JAKMIP1: variants seen among roughly 807,000 people sequenced by gnomAD.
The protein encoded by JAKMIP1 is janus kinase and microtubule-interacting protein 1.
In JAKMIP1, 33 loss-of-function variants were observed where a neutral mutation model predicts 113.0. The observed-to-expected ratio is 0.29, with a 90% CI of 0.22 to 0.39. The LOEUF is 0.39. Among genes scored for constraint, JAKMIP1 ranks in the 10% least tolerant of loss-of-function variants. The pLI is 1.00. For synonymous variants in JAKMIP1, 480 were observed against 459.9 expected (o/e 1.04, Z -0.56); for missense variants, 813 against 1,080.5 (o/e 0.75, Z 3.47).
Position 6,036,003 on chromosome 4 carries a change from A to G in JAKMIP1, c.2280T>C (p.Ala760=). The change falls in exon 19 of 21, where the codon GCT becomes GCC. Residue 760 remains alanine, a synonymous_variant. Transcript: ENST00000409021. ...LSEGQREDLQ[A]AVEKVRRQIL... ...TCTGCCTGCGCACCTTTTCCACAGC[A>G]GCCTGCAGGTCCTCCCGCTGGCCCT... is the stretch of plus-strand genomic sequence containing the variant. 2 of 1,551,932 alleles carry G rather than the reference A, an allele frequency of 1.3e-6. No individual in the cohort carries two copies. The highest frequency in any genetic ancestry group is 1.7e-6 in the Non-Finnish European group (2 of 1,147,170).
rs1718255137 is a variant in JAKMIP1, at chr4:6,067,409, T to C, written c.1303-2401A>G. On this transcript the variant is annotated intron_variant, in intron 8 of 20. Coordinates refer to ENST00000409021, the MANE Select transcript of JAKMIP1 (RefSeq NM_001099433.2). This position sits in a 1 kb window ranked among gnomAD's most constrained non-coding sequence, Gnocchi z 4.6. Reference sequence around the variant, plus strand: ...AGACTATGGGCACCATCAACTTCAATGTCATTTCTCTCCTTGCAGAGGCTG... The same window carrying C: ...AGACTATGGGCACCATCAACTTCAACGTCATTTCTCTCCTTGCAGAGGCTG... Among the ~76,000 whole-genome samples the C allele has an allele frequency of 6.6e-6, 1 of 152,164 alleles. No individual in the cohort carries two copies. The highest frequency in any genetic ancestry group is 6.5e-5 in the Admixed American group (1 of 15,284).
At chr4:6,048,752 T>C in intron 16 of JAKMIP1, 105 bp downstream of exon 16, 1 of 915,570 alleles carries the variant, frequency 1.1e-6, no homozygotes, top group Non-Finnish European at 1.8e-6. Flanking sequence ...GCAGACGGAC[T>C]GGAACGCATG....
chr4:6,177,760 C>G (rs980169099), intron 1 of JAKMIP1, among the ~76,000 whole-genome samples: 1 of 152,166 alleles, frequency 6.6e-6, no homozygotes, highest in African/African-American at 2.4e-5. Context: ...CACTCCACCC[C>G]CAATGCCACT....
chr4:6,148,183 C>T (rs1721088750), intron 1 of JAKMIP1, among the ~76,000 whole-genome samples: 1 of 152,208 alleles, frequency 6.6e-6, no homozygotes. Context: ...TAACTGGACT[C>T]TCGTGTACCC....
rs1368239230 is a variant in JAKMIP1 at position 6,142,609 on chromosome 4, C to T, written c.-147-29612G>A. On this transcript the variant is annotated intron_variant, in intron 1 of 20. Coordinates refer to ENST00000409021, the MANE Select transcript of JAKMIP1 (RefSeq NM_001099433.2). The surrounding 1 kb of genome is among the most constrained non-coding windows in gnomAD (Gnocchi z 5.5). ...TTAAAATATAGCTGGAGTCTCTGCT[C>T]TCGGACTTAAGAGGCAGCTGGCATT... Among the ~76,000 whole-genome samples the T allele has an allele frequency of 6.6e-6, 1 of 152,190 alleles. No homozygotes were observed. Among genetic ancestry groups the T allele is most frequent in the African/African-American group, 2.4e-5 (1 of 41,440 alleles).
At position 6,138,973 on chromosome 4, in the gene JAKMIP1, A is replaced by C. The variant is rs144845009; in HGVS notation, c.-147-25976T>G. On this transcript the variant is annotated intron_variant, in intron 1 of 20. Coordinates refer to ENST00000409021, the MANE Select transcript of JAKMIP1 (RefSeq NM_001099433.2). This position sits in a 1 kb window ranked among gnomAD's most constrained non-coding sequence, Gnocchi z 6.0. The stretch of plus-strand genomic sequence containing the variant: ...TCTCACGAGCCTTCATCTGGCTGGA[A>C]TATGTCTCCCCACCCCACCCTGTCT... 4.9e-3 allele frequency among the ~76,000 whole-genome samples: 738 copies of C among 152,148 alleles called. 2 individuals carry two copies. The highest frequency in any genetic ancestry group is 0.017 in the African/African-American group (696 of 41,486).
At chr4:6,068,199 T>G (rs1277886558) in intron 8 of JAKMIP1, among the ~76,000 whole-genome samples, 2 of 152,164 alleles carry the variant, frequency 1.3e-5, no homozygotes, top group African/African-American at 4.8e-5. Flanking sequence ...GGACTGCTAG[T>G]TAAGGACTCA....
At chr4:6,082,266 C>T (rs79657790) in intron 5 of JAKMIP1, among the ~76,000 whole-genome samples, 2,013 of 151,884 alleles carry the variant, frequency 0.013, 21 homozygotes, top group Non-Finnish European at 0.021. Context: ...TAGACCCCTG[C>T]GTTTACTCCC....
intron 1 of JAKMIP1, among the ~76,000 whole-genome samples, chr4:6,113,852 C>T (rs937343756): frequency 1.1e-4 from 16 of 152,224 alleles, no homozygotes; most frequent in East Asian, 1.9e-4. Flanking sequence ...GCCTGCTCTG[C>T]GCCTGCTGTG....
Position 6,078,840 on chromosome 4 carries a change from C to T in JAKMIP1, c.1302+99G>A, listed in dbSNP as rs549408129. 3.5e-5 allele frequency: 39 copies of T among 1,107,832 alleles called. No individual in the cohort carries two copies. In the East Asian group the frequency reaches 5.4e-4, roughly 15 times the overall value. 68.6% of individuals were successfully genotyped at this position (1,107,832 alleles called of 1,614,324 possible). ...CATGCAGAGATGTGTGTGTCTGCTT[C>T]AGGACCCCTCTGTAAAACCTCCCCA... On this transcript the variant is annotated intron_variant, in intron 8 of 20. Transcript: ENST00000409021.
At chr4:6,103,603 G>C (rs972456625) in intron 3 of JAKMIP1, among the ~76,000 whole-genome samples, 5 of 152,204 alleles carry the variant, frequency 3.3e-5, no homozygotes, top group African/African-American at 1.2e-4. Context: ...ACACTTGAAA[G>C]AATTTACTTG....
rs1303231135 is a variant in JAKMIP1, at chr4:6,153,200, C to T, written c.-147-40203G>A. 1.3e-5 allele frequency among the ~76,000 whole-genome samples: 2 copies of T among 152,212 alleles called. No individual in the cohort carries two copies. The highest frequency in any genetic ancestry group is 2.9e-5 in the Non-Finnish European group (2 of 68,042). On this transcript the variant is annotated intron_variant, in intron 1 of 20. Coordinates refer to ENST00000409021, the MANE Select transcript of JAKMIP1 (RefSeq NM_001099433.2). The surrounding 1 kb of genome is among the most constrained non-coding windows in gnomAD (Gnocchi z 4.9). ...CATCCAGCTCACCAGAGGCCAACAC[C>T]TGCTCACCATTCGACAGCACCCTGA...
chr4:6,119,743 A>G (rs1295836013), intron 1 of JAKMIP1, among the ~76,000 whole-genome samples: 1 of 152,218 alleles, frequency 6.6e-6, no homozygotes, highest in Non-Finnish European at 1.5e-5. Flanking sequence ...ACATCCCTCT[A>G]CAGTCACAAT....
At chr4:6,052,965 T>C (rs1031699078) in intron 13 of JAKMIP1, among the ~76,000 whole-genome samples, 1 of 152,168 alleles carries the variant, frequency 6.6e-6, no homozygotes, top group African/African-American at 2.4e-5. Context: ...TCAGTTCTAA[T>C]GCAGACAGAA....
At chr4:6,146,552 C>T (rs923047149) in intron 1 of JAKMIP1, among the ~76,000 whole-genome samples, 4 of 152,120 alleles carry the variant, frequency 2.6e-5, no homozygotes, top group African/African-American at 9.7e-5. Context: ...CCTCAGCCTC[C>T]CAAAGTGTGG....
rs954513094 is a variant in JAKMIP1, at chr4:6,089,070, G to A, written c.625-3441C>T. ...CCAGGATCCTCCTGTTTTTCTTTAG[G>A]AGCTAAGAAAGGGACTCTGGGCTGT... On this transcript the variant is annotated intron_variant, in intron 3 of 20. Transcript: ENST00000409021. The surrounding 1 kb of genome is among the most constrained non-coding windows in gnomAD (Gnocchi z 5.3). 5.9e-5 allele frequency among the ~76,000 whole-genome samples: 9 copies of A among 152,156 alleles called. No individual in the cohort carries two copies. Among genetic ancestry groups the A allele is most frequent in the African/African-American group, 1.7e-4 (7 of 41,436 alleles).
chr4:6,104,215 T>A (rs967770167), intron 3 of JAKMIP1, among the ~76,000 whole-genome samples: 2 of 152,242 alleles, frequency 1.3e-5, no homozygotes, highest in Non-Finnish European at 2.9e-5. Context: ...TAAGTTCACG[T>A]TGGTTAATTG....
rs533738377 is a variant in JAKMIP1 at position 6,181,235 on chromosome 4, G to A, written c.-148+19018C>T. 3.9e-5 allele frequency among the ~76,000 whole-genome samples: 6 copies of A among 152,332 alleles called. No homozygotes were observed. Among genetic ancestry groups the A allele is most frequent in the African/African-American group, 9.6e-5 (4 of 41,572 alleles). ...GGCTTTGTGAGATGTGCTGGTGGAC[G>A]CAGTTCACATTTCTTAGGCTTCCTC... On this transcript the variant is annotated intron_variant, in intron 1 of 20. Transcript: ENST00000409021. The surrounding 1 kb of genome is among the most constrained non-coding windows in gnomAD (Gnocchi z 5.4).
intron 9 of JAKMIP1, among the ~76,000 whole-genome samples, chr4:6,063,875 C>T (rs1468418749): frequency 6.6e-6 from 1 of 152,250 alleles, no homozygotes; most frequent in East Asian, 1.9e-4. Context: ...TGCCCAGTCC[C>T]TCACCAGGAA....
Sources: allele counts gnomAD v4.1 joint callset (sites outside exome capture counted in the v4.1 genomes callset), GRCh38; gene constraint gnomAD v4.1.1; non-coding constraint Gnocchi (gnomAD v3.1); transcripts MANE v1.5; gene names NCBI Gene and HGNC (gene_info 2026-07-23, HGNC 2026-07-21).